Variants in DNAH8 observed in about 807,000 individuals in gnomAD.
The protein encoded by DNAH8 is dynein axonemal heavy chain 8.
DNAH8 carries 382 observed loss-of-function variants against 562.1 expected under a neutral mutation model. The ratio of observed to expected loss-of-function variants is 0.68; its 90% confidence interval spans 0.63 to 0.74. DNAH8 has a LOEUF of 0.74. Ranked by LOEUF, DNAH8 falls within the 30% of genes least tolerant of loss-of-function variation. DNAH8 has a pLI of 0.00. For missense variants in DNAH8, 5,203 were observed against 5,620.4 expected, an observed-to-expected ratio of 0.93 and a Z score of 2.37; for synonymous variants, 1,881 against 1,919.4, an observed-to-expected ratio of 0.98 and a Z score of 0.52.
In DNAH8 at chr6:38,734,692, CT is replaced by C. The variant is rs138585346; in HGVS notation, c.762+70del. Reference sequence around the variant, plus strand: ...ATATATTTTTGTAGTCACACTTATGCTTTACTTTGCTTTCCCTTTTTAAATA... The same window carrying C: ...ATATATTTTTGTAGTCACACTTATGCTTACTTTGCTTTCCCTTTTTAAATA... On this transcript the variant is annotated intron_variant, in intron 5 of 92. Transcript: ENST00000327475. 0.13 allele frequency: 197,014 copies of C among 1,511,968 alleles called. 14,395 individuals carry two copies. The highest frequency in any genetic ancestry group is 0.23 in the Admixed American group (11,130 of 47,498). The allele number at this position is 1,511,968 out of a possible 1,614,324, so 93.7% of individuals were successfully genotyped here.
Position 38,868,153 on chromosome 6 carries a change from G to C in DNAH8, c.6785G>C (p.Ser2262Thr). Residue 2262 changes from serine (S) to threonine (T), a missense_variant, in exon 48 of 93, where the codon AGC becomes ACC. This residue lies in a region of DNAH8 where 2,176 missense variants were observed against 2,365.1 expected (regional missense o/e 0.92). Transcript: ENST00000327475. ...GCCAGACCAGAAGATAGTGAATTAA[G>C]CATTGTCATGAGAGGACTAAGAGAT... Reference protein sequence around the residue: ...KRARPEDSELSIVMRGLRDMN... With the variant: ...KRARPEDSELTIVMRGLRDMN... The C allele has an allele frequency of 6.2e-7, 1 of 1,613,872 alleles. No homozygotes were observed. Among genetic ancestry groups the C allele is most frequent in the Non-Finnish European group, 8.5e-7 (1 of 1,179,838 alleles).
At position 38,826,500 on chromosome 6, in the gene DNAH8, A is replaced by G. The variant is rs185187093; in HGVS notation, c.4083+109A>G. 68 of 726,406 alleles carry G rather than the reference A, an allele frequency of 9.4e-5. 1 individual carries two copies. The East Asian group carries it at 1.8e-3, about 19-fold the overall frequency. 45.0% of individuals were successfully genotyped at this position (726,406 alleles called of 1,614,324 possible). The stretch of plus-strand genomic sequence containing the variant: ...AACATATTCATCTATTATGTAGCAC[A>G]GTCTGCCTATTTCTCGTCTCTGATG... On this transcript the variant is annotated intron_variant, in intron 29 of 92. Coordinates refer to ENST00000327475, the MANE Select transcript of DNAH8 (RefSeq NM_001206927.2).
intron 52 of DNAH8, among the ~76,000 whole-genome samples, chr6:38,873,721 TACACCTAC>T (rs1777653161): frequency 1.4e-5 from 1 of 70,678 alleles, no homozygotes; most frequent in African/African-American, 5.5e-5. Flanking sequence ...AAATAACACA[TACACCTAC>T]ACACACACAC....
rs545939570 is a variant in DNAH8 at position 38,971,107 on chromosome 6, C to T, written c.12452-485C>T. ...AAAATGATCAAACATACAAAGAAAA[C>T]CAAAACAAGCAGACAGAAAACACTG... On this transcript the variant is annotated intron_variant, in intron 82 of 92. Transcript: ENST00000327475. Among the ~76,000 whole-genome samples the T allele has an allele frequency of 3.3e-5, 5 of 152,172 alleles. No homozygotes were observed. The South Asian group carries it at 1.0e-3, about 32-fold the overall frequency.
Position 38,863,974 on chromosome 6 carries a change from G to T in DNAH8, c.6412G>T (p.Ala2138Ser). 1 of 1,612,612 alleles carries T rather than the reference G, an allele frequency of 6.2e-7. No individual in the cohort carries two copies. Among genetic ancestry groups the T allele is most frequent in the Non-Finnish European group, 8.5e-7 (1 of 1,179,650 alleles). ...AAQQIYIVLTARKERKKQFIF... is the reference protein window; with the variant it reads ...AAQQIYIVLTSRKERKKQFIF... ...ACAACAAATTTATATTGTTTTGACA[G>T]CAAGAAAAGAAAGAAAGAAACAGTT... is the stretch of plus-strand genomic sequence containing the variant. The change falls in exon 45 of 93, where the codon GCA becomes TCA. Residue 2138 changes from alanine (A) to serine (S), a missense_variant. Coordinates refer to ENST00000327475, the MANE Select transcript of DNAH8 (RefSeq NM_001206927.2).
At chr6:38,860,396 T>A in intron 42 of DNAH8, 61 bp from the exon 43 acceptor site, 5 of 992,102 alleles carry the variant, frequency 5.0e-6, no homozygotes, top group Non-Finnish European at 6.8e-6. Flanking sequence ...ACTGCCCACA[T>A]GCTTATGTTT....
rs1381326699 is a variant in DNAH8 at position 38,918,032 on chromosome 6, T to C, written c.10416T>C (p.Tyr3472=). 1.2e-6 allele frequency: 2 copies of C among 1,613,878 alleles called. No individual in the cohort carries two copies. Among genetic ancestry groups the C allele is most frequent in the Admixed American group, 1.7e-5 (1 of 59,992 alleles). The change falls in exon 70 of 93, where the codon TAT becomes TAC. Residue 3472 remains tyrosine, a synonymous_variant. Coordinates refer to ENST00000327475, the MANE Select transcript of DNAH8 (RefSeq NM_001206927.2). ...AGCCATATTTTAATATGGATGATTA[T>C]ACTTTTGAAAGTGCCAAAAAAGTCT... ...LLQPYFNMDD[Y]TFESAKKVCG...
chr6:38,886,887 A>G lies in DNAH8; in HGVS notation c.8356A>G (p.Ile2786Val). 6.2e-7 allele frequency: 1 copy of G among 1,613,522 alleles called. No homozygotes were observed. The highest frequency in any genetic ancestry group is 1.3e-5 in the African/African-American group (1 of 75,072). The change falls in exon 57 of 93, where the codon ATA (isoleucine) becomes GTA (valine). Residue 2786 changes from isoleucine (I) to valine (V), a missense_variant. Ile to Val is a conservative substitution (Grantham distance 29). Coordinates refer to ENST00000327475, the MANE Select transcript of DNAH8 (RefSeq NM_001206927.2). ...CACTACTATTGTTGATGTGCAGCTC[A>G]TAGCAGCAATGATCCACCCTGGAGG... ...DFTTIVDVQLIAAMIHPGGGR... is the reference protein window; with the variant it reads ...DFTTIVDVQLVAAMIHPGGGR...
intron 8 of DNAH8, among the ~76,000 whole-genome samples, chr6:38,748,860 A>G (rs1765182444): frequency 6.6e-6 from 1 of 151,768 alleles, no homozygotes; most frequent in Non-Finnish European, 1.5e-5. Flanking sequence ...TCAACTTTGG[A>G]TAAAGACTTA....
At position 38,982,469 on chromosome 6, in the gene DNAH8, G is replaced by A. The variant is rs565030663; in HGVS notation, c.12951+7G>A. On this transcript the variant is annotated splice_region_variant and intron_variant, in intron 86 of 92. Transcript: ENST00000327475. Reference sequence around the variant, plus strand: ...TGAATGCGATATTAAGAAAGTGAGTGAAATTATGCCTTTTTTCCTGTTTTT... The same window carrying A: ...TGAATGCGATATTAAGAAAGTGAGTAAAATTATGCCTTTTTTCCTGTTTTT... 32 of 1,318,524 alleles carry A rather than the reference G, an allele frequency of 2.4e-5. No homozygotes were observed. The African/African-American group carries it at 4.6e-4, about 19-fold the overall frequency. 81.7% of individuals were successfully genotyped at this position (1,318,524 alleles called of 1,614,324 possible).
chr6:39,008,290 G>A (rs889159208), intron 88 of DNAH8, among the ~76,000 whole-genome samples: 20 of 152,170 alleles, frequency 1.3e-4, no homozygotes, highest in Middle Eastern at 3.4e-3. Flanking sequence ...AGGTGGAGCC[G>A]ATGGGCGTCA....
chr6:38,812,730 T>G (rs971264106), intron 24 of DNAH8, among the ~76,000 whole-genome samples: 7 of 140,290 alleles, frequency 5.0e-5, no homozygotes, highest in African/African-American at 1.8e-4. Context: ...AGAGAATCTC[T>G]TGAAGATGAA....
At chr6:38,862,552 C>T in intron 44 of DNAH8, 94 bp downstream of exon 44, 1 of 1,400,176 alleles carries the variant, frequency 7.1e-7, no homozygotes, top group Non-Finnish European at 9.7e-7. Flanking sequence ...GACGTGATCT[C>T]ATATAATCTA....
chr6:38,815,119 C>T (rs1213028868), intron 25 of DNAH8, among the ~76,000 whole-genome samples: 1 of 152,216 alleles, frequency 6.6e-6, no homozygotes, highest in Non-Finnish European at 1.5e-5. Flanking sequence ...ATCTCTAACA[C>T]ATAGTCTGTA....
At chr6:39,022,850 G>A (rs144023253) in intron 91 of DNAH8, among the ~76,000 whole-genome samples, 10 of 152,260 alleles carry the variant, frequency 6.6e-5, no homozygotes, top group Middle Eastern at 3.4e-3. Flanking sequence ...CTCCAGAATC[G>A]GCAGATTAAG....
chr6:38,762,216 CT>C (rs1179260168), intron 11 of DNAH8, among the ~76,000 whole-genome samples: 1 of 152,054 alleles, frequency 6.6e-6, no homozygotes, highest in Non-Finnish European at 1.5e-5. Context: ...TAGTTGGATG[CT>C]TTTGTAAGAT....
intron 91 of DNAH8, among the ~76,000 whole-genome samples, chr6:39,017,731 T>C (rs1766655251): frequency 6.6e-6 from 1 of 152,232 alleles, no homozygotes; most frequent in Admixed American, 6.5e-5. Context: ...TCAAGATTTT[T>C]CAGTTAGAGG....
At chr6:38,798,537 G>T (rs1354517938) in intron 21 of DNAH8, among the ~76,000 whole-genome samples, 2 of 152,174 alleles carry the variant, frequency 1.3e-5, no homozygotes, top group African/African-American at 4.8e-5. Context: ...TATTTGCAGT[G>T]ACATTATTTT....
intron 42 of DNAH8, among the ~76,000 whole-genome samples, chr6:38,858,273 A>T (rs1189213300): frequency 6.6e-6 from 1 of 152,186 alleles, no homozygotes; most frequent in African/African-American, 2.4e-5. Flanking sequence ...AAATGCCACT[A>T]TTTGATAATC....
Sources: gnomAD v4.1 joint callset for allele counts (sites outside exome capture counted in the v4.1 genomes callset) on GRCh38, gnomAD v4.1.1 for gene constraint, gnomAD v4.1.1 regional missense constraint, MANE v1.5 for transcripts, NCBI Gene and HGNC (gene_info 2026-07-23, HGNC 2026-07-21) for gene names.